Variants in MYBPC1 observed in about 807,000 individuals in gnomAD.
The protein encoded by MYBPC1 is myosin-binding protein C, slow-type.
In MYBPC1, 52 loss-of-function variants were observed where a neutral mutation model predicts 147.1. The ratio of observed to expected loss-of-function variants is 0.35; its 90% CI spans 0.28 to 0.45. MYBPC1 has a LOEUF of 0.45. MYBPC1 is among the 20% of genes least tolerant of loss of function. The pLI, the probability that MYBPC1 is intolerant of heterozygous loss-of-function variation, is 1.00. For missense variants in MYBPC1, 1,228 were observed against 1,440.3 expected, an observed-to-expected ratio of 0.85 and a Z score of 2.39; for synonymous variants, 477 against 475.9, an observed-to-expected ratio of 1.00 and a Z score of -0.03.
In MYBPC1 at chr12:101,659,724, G is replaced by A. The variant is rs1565974981; in HGVS notation, c.1820G>A (p.Ser607Asn). The A allele has an allele frequency of 1.2e-6, 2 of 1,614,090 alleles. No individual in the cohort carries two copies. The highest frequency in any genetic ancestry group is 1.7e-6 in the Non-Finnish European group (2 of 1,179,978). ...AGAACAGAATCTTACCCTGATAGCAGCACTCTGGTCATTGATATAGCTGAA... is the reference window on the plus strand; with the variant it reads ...AGAACAGAATCTTACCCTGATAGCAACACTCTGGTCATTGATATAGCTGAA... ...RIRTESYPDS[S>N]TLVIDIAERD... The change falls in exon 19 of 32, where the codon AGC becomes AAC. Residue 607 changes from serine to asparagine, a missense_variant. Ser to Asn is a conservative substitution (Grantham distance 46). Coordinates refer to ENST00000361466, the MANE Select transcript of MYBPC1 (RefSeq NM_002465.4).
At chr12:101,670,219 G>A (rs1398778684) in intron 23 of MYBPC1, 102 bp from the exon 24 acceptor site, 20 of 906,670 alleles carry the variant, frequency 2.2e-5, no homozygotes, top group Non-Finnish European at 3.3e-5. Flanking sequence ...GCAGAGATAT[G>A]CCACAAGGGT....
At chr12:101,680,617 T>C in intron 29 of MYBPC1, 88 bp downstream of exon 29, 1 of 1,536,850 alleles carries the variant, frequency 6.5e-7, no homozygotes, top group Non-Finnish European at 8.9e-7. Context: ...TTAATCCAAA[T>C]TGCTTGCCAA....
At chr12:101,649,042 C>T (rs1163427622) in intron 14 of MYBPC1, among the ~76,000 whole-genome samples, 1 of 152,120 alleles carries the variant, frequency 6.6e-6, no homozygotes, top group African/African-American at 2.4e-5. Context: ...GCAGGTGGCT[C>T]GTGTTCTTTT....
intron 1 of MYBPC1, among the ~76,000 whole-genome samples, chr12:101,595,506 T>C (rs1876853607): frequency 6.6e-6 from 1 of 152,182 alleles, no homozygotes; most frequent in Non-Finnish European, 1.5e-5. Context: ...TCTCAAATGG[T>C]TAATACATTG....
intron 18 of MYBPC1, among the ~76,000 whole-genome samples, chr12:101,654,436 T>C (rs1895157028): frequency 6.6e-6 from 1 of 152,088 alleles, no homozygotes; most frequent in African/African-American, 2.4e-5. Flanking sequence ...TATAATTGCC[T>C]CAAGCTTATT....
chr12:101,666,661 C>G (rs1184614805), intron 22 of MYBPC1: 1 of 1,286,608 alleles, frequency 7.8e-7, no homozygotes, highest in Admixed American at 1.7e-5. Context: ...ACTTTACTAA[C>G]AGAGAATGCT....
At chr12:101,617,405 T>A (rs988326966) in intron 3 of MYBPC1, among the ~76,000 whole-genome samples, 162 bp downstream of exon 3, 1 of 152,208 alleles carries the variant, frequency 6.6e-6, no homozygotes, top group Admixed American at 6.5e-5. Flanking sequence ...TGACAAATGG[T>A]GCATTGCTAA....
chr12:101,652,695 T>C lies in MYBPC1; in HGVS notation c.1544T>C (p.Ile515Thr), dbSNP rs1363090746. 2.5e-6 allele frequency: 4 copies of C among 1,612,146 alleles called. No individual in the cohort carries two copies. The highest frequency in any genetic ancestry group is 3.4e-6 in the Non-Finnish European group (4 of 1,178,320). The change falls in exon 17 of 32, where the codon ATA becomes ACA. Residue 515 changes from isoleucine to threonine, a missense_variant. Ile to Thr is a moderately conservative substitution (Grantham distance 89). Coordinates refer to ENST00000361466, the MANE Select transcript of MYBPC1 (RefSeq NM_002465.4). Reference protein sequence around the residue: ...VHKGRIHKLVIANALTEDEGD... With the variant: ...VHKGRIHKLVTANALTEDEGD... ...TTCCTTAGGATCCACAAGTTAGTGA[T>C]AGCCAATGCCCTCACTGAAGATGAA...
At chr12:101,650,025 C>A (rs1050581036) in intron 15 of MYBPC1, among the ~76,000 whole-genome samples, 3 of 152,188 alleles carry the variant, frequency 2.0e-5, no homozygotes, top group African/African-American at 7.2e-5. Flanking sequence ...TTGCTTAGTC[C>A]AGTTGCAGTT....
At chr12:101,687,370 A>G (rs1951366661), downstream of MYBPC1, among the ~76,000 whole-genome samples, 1 of 152,134 alleles carries the variant, frequency 6.6e-6, no homozygotes. Context: ...GATGGTTTCC[A>G]GCTTCATCCA....
intron 3 of MYBPC1, among the ~76,000 whole-genome samples, chr12:101,617,747 A>C (rs1038288978): frequency 8.5e-5 from 13 of 152,202 alleles, no homozygotes; most frequent in African/African-American, 3.1e-4. Context: ...AACATTAAGA[A>C]GACATGTTGC....
chr12:101,651,538 A>C (rs1311409614), intron 16 of MYBPC1, 145 bp downstream of exon 16: 1 of 1,063,630 alleles, frequency 9.4e-7, no homozygotes, highest in African/African-American at 1.6e-5. Context: ...ACTAGCAAGA[A>C]GGTGTGATTT....
chr12:101,614,598 T>C, intron 2 of MYBPC1, 67 bp downstream of exon 2: 2 of 1,558,120 alleles, frequency 1.3e-6, no homozygotes, highest in South Asian at 2.3e-5. Flanking sequence ...CAGCATGATT[T>C]GGCCTCCACG....
In MYBPC1 at chr12:101,649,279, A is replaced by G. The variant is rs747141063; in HGVS notation, c.1216A>G (p.Ile406Val). 2.5e-6 allele frequency: 4 copies of G among 1,613,598 alleles called. No homozygotes were observed. The African/African-American group carries it at 4.0e-5, about 16-fold the overall frequency. Reference protein sequence around the residue: ...NVKWFKNGEEIIPGPKSRYRI... With the variant: ...NVKWFKNGEEVIPGPKSRYRI... ...ATTCAGGTTTAAGAATGGTGAAGAG[A>G]TTATCCCTGGTCCAAAATCAAGATA... The change falls in exon 15 of 32, where the codon ATT becomes GTT. Residue 406 changes from isoleucine (I) to valine (V), a missense_variant. Ile to Val is a conservative substitution (Grantham distance 29). Around this residue, in one of 2 missense-constraint regions of MYBPC1, gnomAD observed 1,077 missense variants for 1,314.2 expected, o/e 0.82. Coordinates refer to ENST00000361466, the MANE Select transcript of MYBPC1 (RefSeq NM_002465.4).
intron 23 of MYBPC1, among the ~76,000 whole-genome samples, chr12:101,669,205 G>T (rs1250180806): frequency 6.6e-6 from 1 of 152,140 alleles, no homozygotes; most frequent in African/African-American, 2.4e-5. Flanking sequence ...TACTTAGGCT[G>T]CACACTGCAG....
At chr12:101,693,865 C>T in the MYBPC1 span, among the ~76,000 whole-genome samples, 614 of 152,312 alleles carry the variant, frequency 4.0e-3, 3 homozygotes, top group African/African-American at 0.015. Context: ...AGGCTCTGGC[C>T]AATGGGATGA....
rs538794469 is a variant in MYBPC1 at position 101,631,674 on chromosome 12, C to T, written c.393C>T (p.Ala131=). The T allele has an allele frequency of 9.9e-6, 16 of 1,614,206 alleles. No individual in the cohort carries two copies. In the Admixed American group the frequency reaches 1.0e-4, roughly 10 times the overall value. Residue 131 remains alanine, a synonymous_variant, in exon 7 of 32, where the codon GCC becomes GCT. Transcript: ENST00000361466. The stretch of plus-strand genomic sequence containing the variant: ...AATGGATGGACCTGGCCAGCAAAGC[C>T]GGGAAGCACCTTCAGCTGAAGGAAA... ...KGKWMDLASK[A]GKHLQLKETF... is the part of the protein sequence containing the mutation.
At chr12:101,646,285 T>TA (rs1464036757) in intron 12 of MYBPC1, among the ~76,000 whole-genome samples, 3 of 151,910 alleles carry the variant, frequency 2.0e-5, no homozygotes, top group Non-Finnish European at 4.4e-5. Flanking sequence ...ATTATAAAGA[T>TA]AAAAATTGGT....
chr12:101,611,213 A>G lies in MYBPC1; in HGVS notation c.26-3283A>G, dbSNP rs1884169022. Among the ~76,000 whole-genome samples the G allele has an allele frequency of 2.0e-5, 3 of 152,328 alleles. No individual in the cohort carries two copies. In the South Asian group the frequency reaches 6.2e-4, roughly 32 times the overall value. On this transcript the variant is annotated intron_variant, in intron 1 of 31. Transcript: ENST00000361466. ...GTCCTAGCAGTCCTAATATCCTATA[A>G]TGTTTCTGCCATTCTCTCTGATAGA...
Sources: gnomAD v4.1 joint callset for allele counts (sites outside exome capture counted in the v4.1 genomes callset) on GRCh38, gnomAD v4.1.1 for gene constraint, gnomAD v4.1.1 regional missense constraint, MANE v1.5 for transcripts, NCBI Gene and HGNC (gene_info 2026-07-23, HGNC 2026-07-21) for gene names.